WDFY4: variants seen among roughly 807,000 people sequenced by gnomAD.
WDFY4 encodes WDFY family member 4, also known as WD repeat- and FYVE domain-containing protein 4.
In WDFY4, 169 loss-of-function variants were observed where a neutral mutation model predicts 351.9. That is an observed-to-expected ratio of 0.48 (90% CI 0.42 to 0.55). The LOEUF is 0.55. Among genes scored for constraint, WDFY4 ranks in the 20% least tolerant of loss-of-function variants. The probability of loss-of-function intolerance (pLI) is 0.00; values close to 1 mark genes in which losing one functional copy is unlikely to be tolerated. For synonymous variants in WDFY4, 1,622 were observed against 1,574.6 expected (o/e 1.03, Z -0.71); for missense variants, 3,803 against 3,935.6 (o/e 0.97, Z 0.90).
At chr10:48,883,984 A>G (rs1038286523) in intron 43 of WDFY4, 1 of 152,202 alleles carries the variant, frequency 6.6e-6, no homozygotes, top group Admixed American at 6.5e-5. Flanking sequence ...GATTTAATGC[A>G]TATTAATTGT....
rs1347590446 is a variant in WDFY4 at position 48,774,502 on chromosome 10, C to T, written c.2598C>T (p.Ser866=). 6.4e-7 allele frequency: 1 copy of T among 1,551,732 alleles called. No homozygotes were observed. The highest frequency in any genetic ancestry group is 1.2e-5 in the South Asian group (1 of 84,070). The change falls in exon 14 of 62, where the codon TCC becomes TCT. Residue 866 remains serine, a synonymous_variant. Coordinates refer to ENST00000325239, the MANE Select transcript of WDFY4 (RefSeq NM_001394531.1). ...IQCSLASHIQ[S]LVKSEKNRQV... ...GCTCCCTGGCCAGTCATATCCAGTC[C>T]CTGGTGAAGTCGGAGAAGAACCGCC...
At chr10:48,956,570 C>T (rs567860973) in intron 51 of WDFY4, among the ~76,000 whole-genome samples, 14 of 152,300 alleles carry the variant, frequency 9.2e-5, no homozygotes, top group Non-Finnish European at 1.6e-4. Context: ...CAAGCCTTGT[C>T]CTCTGCTCAG....
Position 48,817,399 on chromosome 10 carries a change from G to A in WDFY4, c.5495G>A (p.Gly1832Glu). Residue 1832 changes from glycine (G) to glutamate (E), a missense_variant, in exon 32 of 62, where the codon GGA becomes GAA. Physicochemically the swap from Gly to Glu is moderately conservative, Grantham distance 98 (BLOSUM62 -2). Coordinates refer to ENST00000325239, the MANE Select transcript of WDFY4 (RefSeq NM_001394531.1). ...QTLAIAAFPLGAQKGVGAEST... is the reference protein window; with the variant it reads ...QTLAIAAFPLEAQKGVGAEST... ...TTGGCCATAGCCGCCTTCCCCCTGGGAGCCCAAAAGGTAGGACATGCTGCT... is the reference window on the plus strand; with the variant it reads ...TTGGCCATAGCCGCCTTCCCCCTGGAAGCCCAAAAGGTAGGACATGCTGCT... 2 of 1,550,346 alleles carry A rather than the reference G, an allele frequency of 1.3e-6. No homozygotes were observed. Among genetic ancestry groups the A allele is most frequent in the South Asian group, 1.2e-5 (1 of 83,976 alleles).
intron 47 of WDFY4, among the ~76,000 whole-genome samples, chr10:48,906,486 AG>A (rs1404386410): frequency 1.3e-5 from 2 of 152,234 alleles, no homozygotes; most frequent in Non-Finnish European, 2.9e-5. Context: ...ACAGCATGGT[AG>A]CCTGTTCAGA....
chr10:48,787,947 T>TCTTCTC lies in WDFY4; in HGVS notation c.3809-578_3809-577insCCTTCT, dbSNP rs1565199151. On this transcript the variant is annotated intron_variant, in intron 20 of 61. Coordinates refer to ENST00000325239, the MANE Select transcript of WDFY4 (RefSeq NM_001394531.1). ...TTCTTCTTCTTCTTCTTCTTCTTCT[T>TCTTCTC]CTTCTTCTTCTTCTTCTTCTTCTTC... 2.0e-3 allele frequency among the ~76,000 whole-genome samples: 172 copies of TCTTCTC among 85,726 alleles called. 4 individuals are homozygous for TCTTCTC. Among genetic ancestry groups the TCTTCTC allele is most frequent in the South Asian group, 8.0e-3 (17 of 2,124 alleles). 56.2% of individuals were successfully genotyped at this position (85,726 alleles called of 152,430 possible).
At chr10:48,697,014 C>T (rs78246446) in intron 1 of WDFY4, among the ~76,000 whole-genome samples, 96 of 152,274 alleles carry the variant, frequency 6.3e-4, no homozygotes, top group Admixed American at 2.0e-3. Flanking sequence ...GTTGGCCTGG[C>T]CTTGGAGCTC....
Position 48,901,743 on chromosome 10 carries a change from C to T in WDFY4, c.7524-58C>T, listed in dbSNP as rs1837363436. The T allele has an allele frequency of 2.6e-6, 4 of 1,520,074 alleles. No homozygotes were observed. In the South Asian group the frequency reaches 3.6e-5, roughly 14 times the overall value. The allele number at this position is 1,520,074 out of a possible 1,614,324, so 94.2% of individuals were successfully genotyped here. A position where few individuals can be genotyped will look rare whatever the true frequency, so the allele number is the denominator to read the frequency against. Reference sequence around the variant, plus strand: ...CTGCCTGACTCCGGAAATGCCTCTGCAGCAGGAGAAAGGGTCTTGACTCTG... The same window carrying T: ...CTGCCTGACTCCGGAAATGCCTCTGTAGCAGGAGAAAGGGTCTTGACTCTG... On this transcript the variant is annotated intron_variant, in intron 46 of 61. Coordinates refer to ENST00000325239, the MANE Select transcript of WDFY4 (RefSeq NM_001394531.1).
At position 48,959,785 on chromosome 10, in the gene WDFY4, C is replaced by G. The variant is rs1279329484; in HGVS notation, c.8195C>G (p.Pro2732Arg). The G allele has an allele frequency of 6.4e-7, 1 of 1,551,058 alleles. No individual in the cohort carries two copies. The highest frequency in any genetic ancestry group is 1.4e-5 in the African/African-American group (1 of 72,992). Residue 2732 changes from proline (P) to arginine (R), a missense_variant, in exon 53 of 62, where the codon CCT (proline) becomes CGT (arginine). Physicochemically the swap from Pro to Arg is moderately radical, Grantham distance 103. This residue lies in a region of WDFY4 where 3,054 missense variants were observed against 3,148.6 expected (regional missense o/e 0.97). Transcript: ENST00000325239. Reference sequence around the variant, plus strand: ...CTCCCTCCCTGGGCTGATGGGGACCCTCGGAAATTCATCAGCCTGCACAGA... The same window carrying G: ...CTCCCTCCCTGGGCTGATGGGGACCGTCGGAAATTCATCAGCCTGCACAGA... ...VQLPPWADGD[P>R]RKFISLHRKA... is the part of the protein sequence containing the mutation.
chr10:48,897,780 G>A (rs1837159655), intron 45 of WDFY4, among the ~76,000 whole-genome samples: 1 of 152,270 alleles, frequency 6.6e-6, no homozygotes, highest in Admixed American at 6.5e-5. Context: ...GCTCCACTCT[G>A]CAGTCCTTGC....
intron 1 of WDFY4, among the ~76,000 whole-genome samples, chr10:48,707,048 C>G (rs1383001022): frequency 6.6e-6 from 1 of 152,140 alleles, no homozygotes. Flanking sequence ...AAAGGACCAG[C>G]TTCTAGAGTA....
rs1565185394 is a variant in WDFY4 at position 48,776,863 on chromosome 10, A to G, written c.2977A>G (p.Thr993Ala). The G allele has an allele frequency of 1.3e-6, 2 of 1,551,846 alleles. No individual in the cohort carries two copies. The highest frequency in any genetic ancestry group is 2.0e-5 in the Admixed American group (1 of 51,004). ...PQPLGESQDS[T>A]TALQTALSLI... ...GCCCTTGGGGGAATCCCAGGATTCAACTACTGCTCTTCAGACGGCGCTGAG... is the reference window on the plus strand; with the variant it reads ...GCCCTTGGGGGAATCCCAGGATTCAGCTACTGCTCTTCAGACGGCGCTGAG... Residue 993 changes from threonine (T) to alanine (A), a missense_variant, in exon 16 of 62, where the codon ACT (threonine) becomes GCT (alanine). This residue lies in a region of WDFY4 where 3,054 missense variants were observed against 3,148.6 expected (regional missense o/e 0.97). Coordinates refer to ENST00000325239, the MANE Select transcript of WDFY4 (RefSeq NM_001394531.1).
chr10:48,697,768 C>T (rs1158674888), intron 1 of WDFY4, among the ~76,000 whole-genome samples: 1 of 152,178 alleles, frequency 6.6e-6, no homozygotes, highest in African/African-American at 2.4e-5. Flanking sequence ...TTTCCTGGGC[C>T]ATTTTCCTGC....
At chr10:48,792,015 A>G (rs534846843) in intron 23 of WDFY4, among the ~76,000 whole-genome samples, 1 of 152,232 alleles carries the variant, frequency 6.6e-6, no homozygotes, top group East Asian at 1.9e-4. Context: ...CCGATACCAT[A>G]TCCCAAACTC....
chr10:48,779,911 G>A (rs993372230), intron 18 of WDFY4, 30 bp from the exon 19 acceptor site: 33 of 1,550,360 alleles, frequency 2.1e-5, no homozygotes, highest in East Asian at 1.2e-4. Context: ...AGCACCACAC[G>A]TGAGACTCAG....
At chr10:48,821,024 C>A in intron 33 of WDFY4, 38 bp from the exon 34 acceptor site, 1 of 1,462,362 alleles carries the variant, frequency 6.8e-7, no homozygotes. Context: ...ACACGATGGC[C>A]CTGTGGTTGC....
At chr10:48,774,318 C>T (rs1325274872) in intron 13 of WDFY4, 140 bp from the exon 14 acceptor site, 4 of 863,958 alleles carry the variant, frequency 4.6e-6, no homozygotes, top group Admixed American at 2.0e-5. Flanking sequence ...CTGAGACAGG[C>T]GTGGGTGTAG....
At chr10:48,914,129 C>T (rs1838278545) in intron 47 of WDFY4, 2 of 1,614,036 alleles carry the variant, frequency 1.2e-6, no homozygotes, top group Middle Eastern at 1.7e-4. Flanking sequence ...TCTTCTTGCC[C>T]TTGGGGCCTT....
intron 47 of WDFY4, among the ~76,000 whole-genome samples, chr10:48,908,260 T>A (rs558714054): frequency 6.6e-6 from 1 of 152,140 alleles, no homozygotes; most frequent in African/African-American, 2.4e-5. Flanking sequence ...CCACCAGGGG[T>A]GGGGAACAGG....
At chr10:48,940,848 C>G (rs902088260) in intron 47 of WDFY4, among the ~76,000 whole-genome samples, 8 of 152,160 alleles carry the variant, frequency 5.3e-5, no homozygotes, top group Non-Finnish European at 8.8e-5. Flanking sequence ...CCTCCCCACA[C>G]TCTCCCCAGT....
Sources: allele counts gnomAD v4.1 joint callset (sites outside exome capture counted in the v4.1 genomes callset), GRCh38; gene constraint gnomAD v4.1.1; regional missense constraint gnomAD v4.1.1; transcripts MANE v1.5; gene names NCBI Gene and HGNC (gene_info 2026-07-23, HGNC 2026-07-21).